The following LRP1 variants were observed in gnomAD, a reference collection of about 807,000 sequenced individuals.
LRP1 encodes the protein LDL receptor related protein 1.
A neutral mutation model predicts 541.5 loss-of-function variants in LRP1; 51 were observed. That is an observed-to-expected ratio of 0.09 (90% CI 0.08 to 0.12). The LOEUF is 0.12. Ranked by LOEUF, LRP1 falls within the 10% of genes least tolerant of loss-of-function variation. LRP1 has a pLI of 1.00. For missense variants in LRP1, 3,878 were observed against 6,376.2 expected (o/e 0.61, Z 13.34); for synonymous variants, 2,219 against 2,470.8 (o/e 0.90, Z 3.02).
Position 57,203,661 on chromosome 12 carries a change from G to A in LRP1, c.10951+140G>A, listed in dbSNP as rs568458002. 1.5e-3 allele frequency: 1,703 copies of A among 1,128,586 alleles called. 1 individual carries two copies. The highest frequency in any genetic ancestry group is 1.9e-3 in the Non-Finnish European group (1,529 of 826,398). The allele number at this position is 1,128,586 out of a possible 1,614,324, so 69.9% of individuals were successfully genotyped here. The stretch of plus-strand genomic sequence containing the variant: ...TTATTAAGCATTTACCATGTACCAG[G>A]CACTGCCATAGGTGTTAGGGACGTA... On this transcript the variant is annotated intron_variant, in intron 70 of 88. Transcript: ENST00000243077.
rs1352822591 is a variant in LRP1, at chr12:57,189,073, T to A, written c.7031+1617T>A. Among the ~76,000 whole-genome samples the A allele has an allele frequency of 2.0e-5, 3 of 152,188 alleles. No homozygotes were observed. The highest frequency in any genetic ancestry group is 4.4e-5 in the Non-Finnish European group (3 of 68,030). On this transcript the variant is annotated intron_variant, in intron 42 of 88. Transcript: ENST00000243077. This position sits in a 1 kb window ranked among gnomAD's most constrained non-coding sequence, Gnocchi z 4.4. ...CCTCCCCGCGTCAGCACTGGAGCAC[T>A]GATGGCCCTGTAGAGCTCACAGTAG...
chr12:57,152,619 C>T (rs905937889), intron 6 of LRP1, among the ~76,000 whole-genome samples: 4 of 152,220 alleles, frequency 2.6e-5, no homozygotes, highest in African/African-American at 9.6e-5. Flanking sequence ...CCTCAAGCTA[C>T]TCTTCCCCCT....
chr12:57,208,231 T>C lies in LRP1; in HGVS notation c.12038+15T>C. On this transcript the variant is annotated intron_variant, in intron 77 of 88. Transcript: ENST00000243077. ...CCACTGAGGGGGTGGGCAAGGGCCC[T>C]GGGGGGAGGCCTCTGGGCTGGTGGT... 1 of 1,609,686 alleles carries C rather than the reference T, an allele frequency of 6.2e-7. No individual in the cohort carries two copies.
intron 76 of LRP1, among the ~76,000 whole-genome samples, chr12:57,207,007 A>T (rs1236706230): frequency 3.3e-5 from 5 of 152,132 alleles, no homozygotes; most frequent in African/African-American, 4.8e-5. Context: ...TTTGGGAGGC[A>T]GAGGTGGGTG....
chr12:57,180,519 G>A (rs1251225713), intron 32 of LRP1, 40 bp downstream of exon 32: 2 of 1,611,640 alleles, frequency 1.2e-6, no homozygotes, highest in African/African-American at 1.3e-5. Context: ...CGCAGAGCAG[G>A]CCAGGCCAGA....
chr12:57,203,675 G>T, intron 70 of LRP1, 154 bp downstream of exon 70: 2 of 1,010,616 alleles, frequency 2.0e-6, no homozygotes, highest in Non-Finnish European at 2.8e-6. Context: ...TGCCATAGGT[G>T]TTAGGGACGT....
chr12:57,203,217 C>A lies in LRP1; in HGVS notation c.10748C>A (p.Ala3583Asp). 6.2e-7 allele frequency: 1 copy of A among 1,609,494 alleles called. No individual in the cohort carries two copies. Residue 3583 changes from alanine to aspartate, a missense_variant, in exon 69 of 89, where the codon GCC becomes GAC. Around this residue, in one of 13 missense-constraint regions of LRP1, gnomAD observed 278 missense variants for 536.3 expected, o/e 0.52. Transcript: ENST00000243077. Reference protein sequence around the residue: ...RPCSESEFSCANGRCIAGRWK... With the variant: ...RPCSESEFSCDNGRCIAGRWK... The stretch of plus-strand genomic sequence containing the variant: ...TGCTCCGAGAGTGAGTTCTCCTGTG[C>A]CAACGGCCGCTGCATCGCGGGGCGC...
intron 76 of LRP1, among the ~76,000 whole-genome samples, chr12:57,207,530 C>CA (rs11336238): frequency 2.2e-5 from 3 of 135,366 alleles, no homozygotes; most frequent in East Asian, 2.1e-4. Flanking sequence ...GACTCCGTCT[C>CA]AAAAAAAAAA....
In LRP1 at chr12:57,179,464, G is replaced by C; in HGVS notation, c.4874G>C (p.Arg1625Pro). The C allele has an allele frequency of 6.2e-7, 1 of 1,614,216 alleles. No homozygotes were observed. Among genetic ancestry groups the C allele is most frequent in the Non-Finnish European group, 8.5e-7 (1 of 1,180,040 alleles). ...DNVTVLDYDA[R>P]EQRVYWSDVR... ...GTCACAGTGCTAGACTACGATGCCC[G>C]CGAGCAGCGTGTGTACTGGTCTGAC... The change falls in exon 29 of 89, where the codon CGC becomes CCC. Residue 1625 changes from arginine to proline, a missense_variant. Physicochemically the swap from Arg to Pro is moderately radical, Grantham distance 103. Coordinates refer to ENST00000243077, the MANE Select transcript of LRP1 (RefSeq NM_002332.3). The surrounding 1 kb of genome is among the most constrained non-coding windows in gnomAD (Gnocchi z 6.8).
intron 58 of LRP1, 38 bp from the exon 59 acceptor site, chr12:57,198,118 G>A: frequency 3.2e-6 from 5 of 1,566,670 alleles, no homozygotes; most frequent in Non-Finnish European, 4.4e-6. Context: ...CCTCCCCCAG[G>A]TCACCCAGAG....
In LRP1 at chr12:57,184,393, C is replaced by T. The variant is rs772068454; in HGVS notation, c.6127C>T (p.Arg2043Cys). Residue 2043 changes from arginine to cysteine, a missense_variant, in exon 38 of 89, where the codon CGT (arginine) becomes TGT (cysteine). This residue lies in a region of LRP1 where 1,100 missense variants were observed against 1,827.4 expected (regional missense o/e 0.60). Transcript: ENST00000243077. This position sits in a 1 kb window ranked among gnomAD's most constrained non-coding sequence, Gnocchi z 7.8. ...IERSRLDGTERVVLVNVSISW... is the reference protein window; with the variant it reads ...IERSRLDGTECVVLVNVSISW... Reference sequence around the variant, plus strand: ...GCGGTCTCGGCTAGATGGCACGGAGCGTGTGGTGCTGGTCAACGTCAGCAT... The same window carrying T: ...GCGGTCTCGGCTAGATGGCACGGAGTGTGTGGTGCTGGTCAACGTCAGCAT... 2.5e-6 allele frequency: 4 copies of T among 1,614,204 alleles called. No individual in the cohort carries two copies. The highest frequency in any genetic ancestry group is 2.2e-5 in the East Asian group (1 of 44,892).
intron 1 of LRP1, among the ~76,000 whole-genome samples, chr12:57,133,518 C>CA (rs1319401607): frequency 6.6e-6 from 1 of 152,092 alleles, no homozygotes; most frequent in African/African-American, 2.4e-5. Context: ...ACCCAAAATA[C>CA]AAAAAATTCA....
intron 47 of LRP1, 97 bp downstream of exon 47, chr12:57,193,782 C>T (rs1462910255): frequency 6.2e-7 from 1 of 1,606,168 alleles, no homozygotes; most frequent in African/African-American, 1.3e-5. Flanking sequence ...GTGTCTGGTT[C>T]AAGGCACTCT....
At chr12:57,129,110 AG>A (rs1565708165) in intron 1 of LRP1, 79 bp downstream of exon 1, 1 of 1,412,780 alleles carries the variant, frequency 7.1e-7, no homozygotes, top group East Asian at 2.5e-5. Context: ...CGGATGGGGA[AG>A]GGAGACGCGG....
chr12:57,158,676 G>T lies in LRP1; in HGVS notation c.1798+38G>T. On this transcript the variant is annotated intron_variant, in intron 11 of 88. Coordinates refer to ENST00000243077, the MANE Select transcript of LRP1 (RefSeq NM_002332.3). The surrounding 1 kb of genome is among the most constrained non-coding windows in gnomAD (Gnocchi z 5.3). ...AGGGATGTGGCCCATGGGGATGGAA[G>T]GGGGCTGGGGCCCAGGCATCTGTTT... 6.3e-7 allele frequency: 1 copy of T among 1,581,714 alleles called. No individual in the cohort carries two copies. Among genetic ancestry groups the T allele is most frequent in the South Asian group, 1.1e-5 (1 of 90,336 alleles).
At chr12:57,198,110 T>C in intron 58 of LRP1, 46 bp from the exon 59 acceptor site, 1 of 1,539,650 alleles carries the variant, frequency 6.5e-7, no homozygotes, top group Non-Finnish European at 8.9e-7. Context: ...TTGCAGGTCC[T>C]CCCCCAGGTC....
intron 70 of LRP1, chr12:57,203,748 TG>T: frequency 5.5e-6 from 3 of 549,968 alleles, no homozygotes; most frequent in South Asian, 2.8e-5. Flanking sequence ...CCCAGCTCAA[TG>T]CCCCCTAGTC....
At chr12:57,147,951 G>C (rs1261747963) in intron 6 of LRP1, among the ~76,000 whole-genome samples, 2 of 152,092 alleles carry the variant, frequency 1.3e-5, no homozygotes, top group African/African-American at 2.4e-5. Context: ...CCTCCCACCT[G>C]AGATTACCTC....
Position 57,204,283 on chromosome 12 carries a change from C to A in LRP1, c.10952-127C>A. ...CCCACCAAGTAGAAATTTAAGAGACCTGGTTCCAATTTGGCTGTGCCACTG... is the reference window on the plus strand; with the variant it reads ...CCCACCAAGTAGAAATTTAAGAGACATGGTTCCAATTTGGCTGTGCCACTG... On this transcript the variant is annotated intron_variant, in intron 70 of 88. Coordinates refer to ENST00000243077, the MANE Select transcript of LRP1 (RefSeq NM_002332.3). The surrounding 1 kb of genome is among the most constrained non-coding windows in gnomAD (Gnocchi z 5.3). 8.6e-7 allele frequency: 1 copy of A among 1,157,996 alleles called. No homozygotes were observed. Among genetic ancestry groups the A allele is most frequent in the Non-Finnish European group, 1.2e-6 (1 of 846,546 alleles). The allele number at this position is 1,157,996 out of a possible 1,614,324, so 71.7% of individuals were successfully genotyped here. A position where few individuals can be genotyped will look rare whatever the true frequency, so the allele number is the denominator to read the frequency against.
Sources: allele counts gnomAD v4.1 joint callset (sites outside exome capture counted in the v4.1 genomes callset), GRCh38; gene constraint gnomAD v4.1.1; regional missense constraint gnomAD v4.1.1; non-coding constraint Gnocchi (gnomAD v3.1); transcripts MANE v1.5; gene names NCBI Gene and HGNC (gene_info 2026-07-23, HGNC 2026-07-21).